The following KBTBD12 variants were observed in gnomAD, a reference collection of about 807,000 sequenced individuals.
KBTBD12 encodes the protein kelch repeat and BTB domain containing 12.
A neutral mutation model predicts 58.7 loss-of-function variants in KBTBD12; 53 were observed. The observed-to-expected ratio is 0.90, with a 90% CI of 0.72 to 1.14. The LOEUF (loss-of-function observed/expected upper bound fraction) is 1.14. KBTBD12 is among the 50% of genes most tolerant of loss of function. The pLI, the probability that KBTBD12 is intolerant of heterozygous loss-of-function variation, is 0.00. For missense variants in KBTBD12, 704 were observed against 751.3 expected, an observed-to-expected ratio of 0.94 and a Z score of 0.74; for synonymous variants, 236 against 259.8, an observed-to-expected ratio of 0.91 and a Z score of 0.88.
chr3:127,928,824 A>G (rs1007402585), intron 3 of KBTBD12, among the ~76,000 whole-genome samples: 1 of 152,234 alleles, frequency 6.6e-6, no homozygotes, highest in Admixed American at 6.5e-5. Flanking sequence ...AGTTTTCTTC[A>G]TGATAAAACT....
At chr3:127,919,914 A>T (rs1169558123) in intron 1 of KBTBD12, among the ~76,000 whole-genome samples, 1 of 152,210 alleles carries the variant, frequency 6.6e-6, no homozygotes, top group Non-Finnish European at 1.5e-5. Flanking sequence ...ACAATATTTA[A>T]GATATACAAA....
chr3:127,916,705 CAA>C (rs1191368373), intron 1 of KBTBD12, among the ~76,000 whole-genome samples: 17 of 78,038 alleles, frequency 2.2e-4, no homozygotes, highest in African/African-American at 1.9e-4. Flanking sequence ...AAACAAAAAG[CAA>C]AAAAAAAAAA....
chr3:127,951,696 AGGGATTGT>A (rs1940207846), intron 4 of KBTBD12, among the ~76,000 whole-genome samples: 1 of 152,146 alleles, frequency 6.6e-6, no homozygotes, highest in Non-Finnish European at 1.5e-5. Flanking sequence ...ACAGACCATC[AGGGATTGT>A]CCCAATATTC....
intron 5 of KBTBD12, among the ~76,000 whole-genome samples, chr3:127,979,063 G>A (rs539384324): frequency 3.9e-4 from 59 of 152,276 alleles, no homozygotes; most frequent in Non-Finnish European, 6.8e-4. Flanking sequence ...AGGTAGCCAG[G>A]AACTTGCGGC....
chr3:127,918,711 CAA>C (rs56759676), intron 1 of KBTBD12, among the ~76,000 whole-genome samples: 7 of 117,578 alleles, frequency 6.0e-5, no homozygotes, highest in Non-Finnish European at 8.6e-5. Context: ...GACTCCGTCT[CAA>C]AAAAAAAAAA....
At chr3:127,940,536 A>G (rs2107598476) in intron 4 of KBTBD12, among the ~76,000 whole-genome samples, 1 of 152,314 alleles carries the variant, frequency 6.6e-6, no homozygotes, top group South Asian at 2.1e-4. Flanking sequence ...GAAAATGGAA[A>G]CACAACATAT....
intron 4 of KBTBD12, among the ~76,000 whole-genome samples, chr3:127,948,289 G>T (rs1226531933): frequency 6.6e-6 from 1 of 152,162 alleles, no homozygotes; most frequent in Non-Finnish European, 1.5e-5. Flanking sequence ...ATCCTAAGCA[G>T]TTAGCAGAGG....
At chr3:127,940,326 G>A (rs758444105) in intron 4 of KBTBD12, among the ~76,000 whole-genome samples, 10 of 152,012 alleles carry the variant, frequency 6.6e-5, no homozygotes, top group Non-Finnish European at 1.3e-4. Context: ...CACCAAGATA[G>A]ACCATATCCT....
chr3:127,944,105 A>T (rs1940019678), intron 4 of KBTBD12, among the ~76,000 whole-genome samples: 1 of 152,134 alleles, frequency 6.6e-6, no homozygotes, highest in East Asian at 1.9e-4. Flanking sequence ...TAGAACTTGA[A>T]ATCCGGAAGT....
At chr3:127,916,386 A>G (rs1939241612) in intron 1 of KBTBD12, among the ~76,000 whole-genome samples, 1 of 152,210 alleles carries the variant, frequency 6.6e-6, no homozygotes, top group African/African-American at 2.4e-5. Context: ...GCTGAAACAA[A>G]ATAGGGTGTG....
At chr3:127,944,859 A>G (rs1198088224) in intron 4 of KBTBD12, among the ~76,000 whole-genome samples, 1 of 151,714 alleles carries the variant, frequency 6.6e-6, no homozygotes, top group African/African-American at 2.4e-5. Flanking sequence ...ATTTTATTCT[A>G]TTTTATTTTA....
intron 4 of KBTBD12, among the ~76,000 whole-genome samples, chr3:127,957,786 A>C (rs1030501917): frequency 1.3e-5 from 2 of 152,234 alleles, no homozygotes; most frequent in Non-Finnish European, 2.9e-5. Context: ...AGATGTGATT[A>C]GACATCTGCC....
intron 4 of KBTBD12, among the ~76,000 whole-genome samples, chr3:127,941,092 T>TC (rs1412518655): frequency 6.6e-6 from 1 of 152,208 alleles, no homozygotes; most frequent in East Asian, 1.9e-4. Flanking sequence ...CCAAATGGTT[T>TC]CACTCGTGAA....
At chr3:127,971,439 C>G (rs1268851889) in intron 5 of KBTBD12, among the ~76,000 whole-genome samples, 1 of 152,224 alleles carries the variant, frequency 6.6e-6, no homozygotes, top group Non-Finnish European at 1.5e-5. Context: ...TCAGCCTTCT[C>G]CCTGCTGACA....
intron 4 of KBTBD12, among the ~76,000 whole-genome samples, chr3:127,954,996 C>T (rs996953344): frequency 6.6e-6 from 1 of 152,204 alleles, no homozygotes; most frequent in Admixed American, 6.5e-5. Flanking sequence ...GTCTAAGGCA[C>T]AAGACGTTGT....
chr3:127,966,008 A>C (rs16839538), intron 5 of KBTBD12, among the ~76,000 whole-genome samples: 24,087 of 152,204 alleles, frequency 0.16, 2,115 homozygotes, highest in South Asian at 0.32. Flanking sequence ...AGATTAGCTG[A>C]AAGACAGGAA....
intron 4 of KBTBD12, among the ~76,000 whole-genome samples, chr3:127,945,969 G>A (rs1034623837): frequency 3.3e-5 from 5 of 152,112 alleles, no homozygotes; most frequent in African/African-American, 4.8e-5. Context: ...GTGAGCCACC[G>A]CGCCTGGCCC....
intron 5 of KBTBD12, among the ~76,000 whole-genome samples, chr3:127,983,790 T>A (rs2107619437): frequency 6.6e-6 from 1 of 152,254 alleles, no homozygotes; most frequent in South Asian, 2.1e-4. Flanking sequence ...TTCTCTCTTT[T>A]ACTCCTTCCC....
intron 4 of KBTBD12, among the ~76,000 whole-genome samples, chr3:127,943,501 A>G (rs775353226): frequency 3.7e-4 from 57 of 152,096 alleles, no homozygotes; most frequent in Non-Finnish European, 4.9e-4. Flanking sequence ...TTTGAAAAAA[A>G]AATCTATTCA....
Sources: gnomAD v4.1 joint callset for allele counts (sites outside exome capture counted in the v4.1 genomes callset) on GRCh38, gnomAD v4.1.1 for gene constraint, MANE v1.5 for transcripts, NCBI Gene and HGNC (gene_info 2026-07-23, HGNC 2026-07-21) for gene names.